MYLIP: variants seen among roughly 807,000 people sequenced by gnomAD.
MYLIP encodes the protein myosin regulatory light chain interacting protein.
MYLIP carries 26 observed loss-of-function variants against 45.8 expected under a neutral mutation model. That is an observed-to-expected ratio of 0.57 (90% CI 0.42 to 0.79). MYLIP has a LOEUF of 0.79. Among genes scored for constraint, MYLIP ranks in the 30% least tolerant of loss-of-function variants. The pLI is 0.00. For missense variants in MYLIP, 494 were observed against 555.6 expected (o/e 0.89, Z 1.11); for synonymous variants, 213 against 218.1 (o/e 0.98, Z 0.21).
chr6:16,134,691 T>C (rs1285394528), intron 2 of MYLIP, among the ~76,000 whole-genome samples: 1 of 152,226 alleles, frequency 6.6e-6, no homozygotes. Context: ...CTGGGAAAGA[T>C]TGCATGCCCA....
chr6:16,144,897 G>A lies in MYLIP; in HGVS notation c.828G>A (p.Arg276=), dbSNP rs753619726. Residue 276 remains arginine, a splice_region_variant and synonymous_variant, in exon 6 of 7, where the codon AGG becomes AGA. Coordinates refer to ENST00000356840, the MANE Select transcript of MYLIP (RefSeq NM_013262.4). ...RAITETHAFY[R]CDTVTSAVMM... is the part of the protein sequence containing the mutation. ...GTAGATGTTCAATCTTGCCTTGCAGGTGTGACACAGTGACCAGCGCCGTGA... is the reference window on the plus strand; with the variant it reads ...GTAGATGTTCAATCTTGCCTTGCAGATGTGACACAGTGACCAGCGCCGTGA... 15 of 1,609,658 alleles carry A rather than the reference G, an allele frequency of 9.3e-6. No individual in the cohort carries two copies. The highest frequency in any genetic ancestry group is 1.3e-5 in the Non-Finnish European group (15 of 1,177,014).
At chr6:16,132,526 A>G (rs926345177) in intron 2 of MYLIP, among the ~76,000 whole-genome samples, 2 of 152,208 alleles carry the variant, frequency 1.3e-5, no homozygotes, top group Non-Finnish European at 2.9e-5. Flanking sequence ...TGGAAAAGTT[A>G]AGTGTGACCT....
At chr6:16,155,643 C>T in the MYLIP span, among the ~76,000 whole-genome samples, 22 of 152,266 alleles carry the variant, frequency 1.4e-4, no homozygotes, top group East Asian at 2.1e-3. Context: ...CTGGCAGGGG[C>T]GAACTCCACT....
chr6:16,135,449 TTCATCAGTGATTC>T (rs1252981057), intron 2 of MYLIP, among the ~76,000 whole-genome samples: 2 of 152,164 alleles, frequency 1.3e-5, no homozygotes, highest in Non-Finnish European at 2.9e-5. Flanking sequence ...CAGGAACACT[TTCATCAGTGATTC>T]TCATTTTGTA....
chr6:16,152,157 G>C (rs1759886562), downstream of MYLIP, among the ~76,000 whole-genome samples: 1 of 152,184 alleles, frequency 6.6e-6, no homozygotes. Flanking sequence ...TACAAGAGAG[G>C]ACAGAAGTAG....
the MYLIP span, among the ~76,000 whole-genome samples, chr6:16,157,538 G>A: frequency 1.3e-5 from 2 of 152,218 alleles, no homozygotes; most frequent in African/African-American, 4.8e-5. Flanking sequence ...GATAGTAAAG[G>A]CTCAATAGAT....
the MYLIP span, among the ~76,000 whole-genome samples, chr6:16,153,526 CAT>C: frequency 2.0e-5 from 3 of 152,188 alleles, no homozygotes; most frequent in African/African-American, 7.2e-5. Context: ...AAAAATGAAT[CAT>C]AGCCTTGTAG....
chr6:16,143,543 T>C (rs1434657137), intron 4 of MYLIP, among the ~76,000 whole-genome samples, 156 bp from the exon 5 acceptor site: 1 of 152,186 alleles, frequency 6.6e-6, no homozygotes, highest in Non-Finnish European at 1.5e-5. Context: ...TCACTGTATC[T>C]TTACAATAAG....
Position 16,145,184 on chromosome 6 carries a change from G to A in MYLIP, c.1115G>A (p.Arg372Gln), listed in dbSNP as rs150756832. ...GAGGGCCTCAGCTGCCAGCAGACCC[G>A]GGTGCTGCAGGAGAAGCTACGCAAG... is the stretch of plus-strand genomic sequence containing the variant. ...SCEGLSCQQT[R>Q]VLQEKLRKLK... The change falls in exon 6 of 7, where the codon CGG becomes CAG. Residue 372 changes from arginine to glutamine, a missense_variant. By Grantham distance (43) the Arg-to-Gln change is conservative. Transcript: ENST00000356840. 351 of 1,614,040 alleles carry A rather than the reference G, an allele frequency of 2.2e-4. No homozygotes were observed. Among genetic ancestry groups the A allele is most frequent in the Non-Finnish European group, 2.8e-4 (334 of 1,180,044 alleles).
chr6:16,143,974 AT>A, intron 5 of MYLIP, 111 bp downstream of exon 5: 2 of 1,221,988 alleles, frequency 1.6e-6, no homozygotes, highest in Non-Finnish European at 2.3e-6. Context: ...CTAGTACAGA[AT>A]TTAAGAAATT....
intron 2 of MYLIP, among the ~76,000 whole-genome samples, chr6:16,137,439 A>G (rs1026436018): frequency 3.3e-5 from 5 of 152,230 alleles, no homozygotes; most frequent in Non-Finnish European, 7.3e-5. Flanking sequence ...AATTATTGGT[A>G]ATTGAGAATT....
At chr6:16,157,127 C>A in the MYLIP span, among the ~76,000 whole-genome samples, 1 of 152,184 alleles carries the variant, frequency 6.6e-6, no homozygotes, top group African/African-American at 2.4e-5. Context: ...GCTTTGCATC[C>A]CCCTCTCTCC....
chr6:16,129,258 G>A lies in MYLIP; in HGVS notation c.-65G>A, dbSNP rs551279986. The A allele has an allele frequency of 1.3e-6, 2 of 1,511,302 alleles. No individual in the cohort carries two copies. The highest frequency in any genetic ancestry group is 4.9e-5 in the East Asian group (2 of 40,632). 93.6% of individuals were successfully genotyped at this position (1,511,302 alleles called of 1,614,324 possible). Reference sequence around the variant, plus strand: ...GAGTCCGGGGCTGGGTCCCACCAGTGACAAGGCGGCAGCCCCGCGCACACC... The same window carrying A: ...GAGTCCGGGGCTGGGTCCCACCAGTAACAAGGCGGCAGCCCCGCGCACACC... On this transcript the variant is annotated 5_prime_UTR_variant, in exon 1 of 7. Coordinates refer to ENST00000356840, the MANE Select transcript of MYLIP (RefSeq NM_013262.4). This position sits in a 1 kb window ranked among gnomAD's most constrained non-coding sequence, Gnocchi z 5.1.
chr6:16,132,381 A>C (rs1008165602), intron 2 of MYLIP, among the ~76,000 whole-genome samples: 2 of 152,206 alleles, frequency 1.3e-5, no homozygotes, highest in African/African-American at 4.8e-5. Flanking sequence ...AACTTGAATC[A>C]AATTTCCTGT....
the MYLIP span, among the ~76,000 whole-genome samples, chr6:16,154,500 T>C: frequency 4.6e-5 from 7 of 152,110 alleles, no homozygotes; most frequent in Non-Finnish European, 1.0e-4. Context: ...GTCACAGAGC[T>C]GGAAAGAGGA....
intron 4 of MYLIP, 54 bp from the exon 5 acceptor site, chr6:16,143,645 T>C (rs947402420): frequency 6.3e-7 from 1 of 1,585,502 alleles, no homozygotes; most frequent in South Asian, 1.1e-5. Context: ...GGCACACACA[T>C]GGTGAAGAAT....
chr6:16,142,959 A>G (rs1759703822), intron 3 of MYLIP, 61 bp from the exon 4 acceptor site: 2 of 1,505,312 alleles, frequency 1.3e-6, no homozygotes, highest in Non-Finnish European at 1.8e-6. Flanking sequence ...AAGACTACAT[A>G]GGTTTATCTC....
At chr6:16,146,247 C>A (rs924500513) in intron 6 of MYLIP, among the ~76,000 whole-genome samples, 1 of 152,232 alleles carries the variant, frequency 6.6e-6, no homozygotes, top group Non-Finnish European at 1.5e-5. Flanking sequence ...TGGGCATCAG[C>A]CCAGAAATGT....
chr6:16,129,128 C>T lies in MYLIP; in HGVS notation c.-195C>T. The T allele has an allele frequency of 6.9e-6, 4 of 583,706 alleles. No homozygotes were observed. Among genetic ancestry groups the T allele is most frequent in the Middle Eastern group, 9.2e-4 (2 of 2,164 alleles). The allele number at this position is 583,706 out of a possible 1,614,324, so 36.2% of individuals were successfully genotyped here. A position where few individuals can be genotyped will look rare whatever the true frequency, so the allele number is the denominator to read the frequency against. On this transcript the variant is annotated 5_prime_UTR_variant, in exon 1 of 7. Transcript: ENST00000356840. This position sits in a 1 kb window ranked among gnomAD's most constrained non-coding sequence, Gnocchi z 5.1. ...GCGGCGCCACCGCGGAGGACAGGGG[C>T]AGCTGGCGGGCAGCGGGTGAGGGGG...
Sources: allele counts gnomAD v4.1 joint callset (sites outside exome capture counted in the v4.1 genomes callset), GRCh38; gene constraint gnomAD v4.1.1; non-coding constraint Gnocchi (gnomAD v3.1); transcripts MANE v1.5; gene names NCBI Gene and HGNC (gene_info 2026-07-23, HGNC 2026-07-21).